Variants in NCKAP1L observed in about 807,000 individuals in gnomAD.
NCKAP1L encodes nck-associated protein 1-like.
NCKAP1L carries 53 observed loss-of-function variants against 139.2 expected under a neutral mutation model. The observed-to-expected ratio is 0.38, with a 90% CI of 0.31 to 0.48. NCKAP1L has a LOEUF of 0.48. Ranked by LOEUF, NCKAP1L falls within the 20% of genes least tolerant of loss-of-function variation. The pLI, the probability that NCKAP1L is intolerant of heterozygous loss-of-function variation, is 0.98. For synonymous variants in NCKAP1L, 468 were observed against 499.7 expected, an observed-to-expected ratio of 0.94 and a Z score of 0.85; for missense variants, 1,151 against 1,381.9, an observed-to-expected ratio of 0.83 and a Z score of 2.65.
intron 3 of NCKAP1L, among the ~76,000 whole-genome samples, chr12:54,506,794 A>ATAT (rs1468649208): frequency 2.1e-3 from 49 of 23,748 alleles, no homozygotes; most frequent in African/African-American, 6.9e-3. Flanking sequence ...TTAAAAAAAA[A>ATAT]AAATATATAT....
intron 27 of NCKAP1L, among the ~76,000 whole-genome samples, chr12:54,535,516 T>G (rs1040373766): frequency 6.6e-6 from 1 of 152,154 alleles, no homozygotes; most frequent in Non-Finnish European, 1.5e-5. Context: ...GGAAAATAAA[T>G]TAATGCAAAT....
chr12:54,532,125 A>G (rs1957077581), intron 25 of NCKAP1L, 45 bp from the exon 26 acceptor site: 1 of 1,377,856 alleles, frequency 7.3e-7, no homozygotes, highest in South Asian at 1.3e-5. Context: ...TTTTGAAGGC[A>G]TTGGTCATGG....
Position 54,546,744 on chromosome 12 carries a change from C to T in NCKAP1L, c.*4059C>T, listed in dbSNP as rs1455752240. 6.6e-6 allele frequency: 1 copy of T among 152,370 alleles called. No homozygotes were observed. The highest frequency in any genetic ancestry group is 2.4e-5 in the African/African-American group (1 of 41,442). The allele number at this position is 152,370 out of a possible 1,614,324, so 9.4% of individuals were successfully genotyped here. On this transcript the variant is annotated 3_prime_UTR_variant, in exon 31 of 31. Coordinates refer to ENST00000293373, the MANE Select transcript of NCKAP1L (RefSeq NM_005337.5). ...CCACACCTCAATGAGTTGTCAAGTA[C>T]TCTCCCTCCCACTTGAATAGGAAGC...
chr12:54,526,199 G>A (rs902460314), intron 20 of NCKAP1L, among the ~76,000 whole-genome samples: 9 of 152,126 alleles, frequency 5.9e-5, no homozygotes, highest in African/African-American at 2.2e-4. Flanking sequence ...AGAGAGCCCA[G>A]GTCTTCTACT....
At chr12:54,513,968 ATGTGTG>A (rs61519403) in intron 9 of NCKAP1L, among the ~76,000 whole-genome samples, 30 of 148,796 alleles carry the variant, frequency 2.0e-4, no homozygotes, top group South Asian at 6.5e-4. Flanking sequence ...CATCCTTCAG[ATGTGTG>A]TGTGTGTGTG....
At chr12:54,517,046 T>A in intron 11 of NCKAP1L, 54 bp downstream of exon 11, 1 of 1,492,520 alleles carries the variant, frequency 6.7e-7, no homozygotes, top group Non-Finnish European at 9.3e-7. Flanking sequence ...AGAGACTGTG[T>A]AGCTACGTGG....
intron 19 of NCKAP1L, 96 bp from the exon 20 acceptor site, chr12:54,523,729 A>C: frequency 6.6e-7 from 1 of 1,507,902 alleles, no homozygotes; most frequent in Non-Finnish European, 8.9e-7. Context: ...TTCTAGGCTG[A>C]GTATCCCTAG....
At chr12:54,519,427 T>G (rs962241422) in intron 16 of NCKAP1L, 95 bp downstream of exon 16, 11 of 931,764 alleles carry the variant, frequency 1.2e-5, no homozygotes, top group Non-Finnish European at 1.6e-5. Flanking sequence ...GAATTTTGTT[T>G]AATTTTTTTT....
At chr12:54,535,055 C>T in intron 26 of NCKAP1L, 49 bp from the exon 27 acceptor site, 3 of 1,485,216 alleles carry the variant, frequency 2.0e-6, no homozygotes, top group Non-Finnish European at 2.8e-6. Context: ...TTCTGTCAAG[C>T]CATTGTGTCC....
chr12:54,531,541 T>C lies in NCKAP1L; in HGVS notation c.2655T>C (p.Phe885=). The C allele has an allele frequency of 1.2e-6, 2 of 1,614,228 alleles. No individual in the cohort carries two copies. The highest frequency in any genetic ancestry group is 1.7e-6 in the Non-Finnish European group (2 of 1,180,036). Residue 885 remains phenylalanine (F), a synonymous_variant, in exon 24 of 31, where the codon TTT becomes TTC. Coordinates refer to ENST00000293373, the MANE Select transcript of NCKAP1L (RefSeq NM_005337.5). ...TACTTGTTCAGATCAGATCCAACTT[T>C]AGCAAGCCGGACTTGATGGCTTCCC... The part of the protein sequence containing the change: ...MDILVQIRSN[F]SKPDLMASLL...
At chr12:54,519,630 C>T (rs891975043) in intron 16 of NCKAP1L, among the ~76,000 whole-genome samples, 2 of 151,842 alleles carry the variant, frequency 1.3e-5, no homozygotes, top group African/African-American at 4.8e-5. Flanking sequence ...CTGTCATTCC[C>T]CTAGACAATT....
chr12:54,531,911 G>A (rs962541512), intron 25 of NCKAP1L, 86 bp downstream of exon 25: 70 of 1,189,504 alleles, frequency 5.9e-5, no homozygotes, highest in Non-Finnish European at 8.0e-5. Context: ...AGTATTGCGG[G>A]AATCAGTTTT....
At chr12:54,506,012 T>C (rs892424034) in intron 3 of NCKAP1L, among the ~76,000 whole-genome samples, 4 of 152,194 alleles carry the variant, frequency 2.6e-5, no homozygotes, top group Non-Finnish European at 5.9e-5. Context: ...TACAATTTAT[T>C]TATCCATTTA....
chr12:54,518,656 G>C lies in NCKAP1L; in HGVS notation c.1344G>C (p.Leu448Phe). The C allele has an allele frequency of 6.2e-7, 1 of 1,613,958 alleles. No homozygotes were observed. The highest frequency in any genetic ancestry group is 1.1e-5 in the South Asian group (1 of 91,080). ...AACTGCAGCTCCTTTTTTAGAACTT[G>C]TCTGTGTGTCCAGAGGAGGAGTCCA... ...ALVLSDIIQN[L>F]SVCPEEESII... is the part of the protein sequence containing the mutation. The change falls in exon 14 of 31, where the codon TTG (leucine) becomes TTC (phenylalanine). Residue 448 changes from leucine to phenylalanine, a missense_variant. Leu to Phe is a conservative substitution (Grantham distance 22). Transcript: ENST00000293373.
intron 7 of NCKAP1L, chr12:54,510,408 C>T (rs1038644199): frequency 9.9e-6 from 4 of 402,044 alleles, no homozygotes; most frequent in African/African-American, 2.1e-5. Flanking sequence ...ACTGCAGCCT[C>T]CACCTCCTGG....
intron 3 of NCKAP1L, chr12:54,501,030 A>G (rs986043155): frequency 7.7e-5 from 12 of 155,062 alleles, no homozygotes; most frequent in Non-Finnish European, 1.7e-4. Context: ...TATACAGTTC[A>G]GTGGTACTAA....
intron 1 of NCKAP1L, among the ~76,000 whole-genome samples, chr12:54,498,989 G>T (rs575537476): frequency 6.6e-6 from 1 of 150,432 alleles, no homozygotes; most frequent in African/African-American, 2.5e-5. Context: ...GCAGTGGCAC[G>T]ATCTTGGCTC....
Position 54,519,197 on chromosome 12 carries a change from G to A in NCKAP1L, c.1490G>A (p.Ser497Asn). 2 of 1,564,252 alleles carry A rather than the reference G, an allele frequency of 1.3e-6. No individual in the cohort carries two copies. Among genetic ancestry groups the A allele is most frequent in the Non-Finnish European group, 1.7e-6 (2 of 1,163,126 alleles). Residue 497 changes from serine to asparagine, a missense_variant, in exon 16 of 31, where the codon AGC becomes AAC. Coordinates refer to ENST00000293373, the MANE Select transcript of NCKAP1L (RefSeq NM_005337.5). ...CAACTCCAACCGCAGGCATACACTA[G>A]CGTGGCTAAGGCCCCTCTGCACCTG... is the stretch of plus-strand genomic sequence containing the variant. The part of the protein sequence containing the change: ...LDWFRLQAYT[S>N]VAKAPLHLHE...
intron 3 of NCKAP1L, among the ~76,000 whole-genome samples, chr12:54,507,623 A>C (rs1432897777): frequency 1.3e-5 from 2 of 152,202 alleles, no homozygotes; most frequent in East Asian, 3.9e-4. Flanking sequence ...TGTGTAATGT[A>C]ATAGAGACTT....
Sources: allele counts gnomAD v4.1 joint callset (sites outside exome capture counted in the v4.1 genomes callset), GRCh38; gene constraint gnomAD v4.1.1; transcripts MANE v1.5; gene names NCBI Gene and HGNC (gene_info 2026-07-23, HGNC 2026-07-21).